The following COL19A1 variants were observed in gnomAD, a reference collection of about 807,000 sequenced individuals.
COL19A1 encodes collagen alpha-1(XIX) chain.
A neutral mutation model predicts 190.2 loss-of-function variants in COL19A1; 159 were observed. That is an observed-to-expected ratio of 0.84 (90% CI 0.73 to 0.95). The LOEUF (loss-of-function observed/expected upper bound fraction) is 0.95. Among genes scored for constraint, COL19A1 ranks in the 40% least tolerant of loss-of-function variants. The probability of loss-of-function intolerance (pLI) is 0.00; values close to 1 mark genes in which losing one functional copy is unlikely to be tolerated. For missense variants in COL19A1, 1,418 were observed against 1,431.9 expected, an observed-to-expected ratio of 0.99 and a Z score of 0.16; for synonymous variants, 509 against 458.9, an observed-to-expected ratio of 1.11 and a Z score of -1.39.
chr6:70,077,146 A>G (rs1781931587), intron 15 of COL19A1, among the ~76,000 whole-genome samples: 1 of 152,232 alleles, frequency 6.6e-6, no homozygotes. Flanking sequence ...CAACTTTGTA[A>G]AACTCTATAG....
At chr6:70,090,162 G>T (rs149350119) in intron 15 of COL19A1, among the ~76,000 whole-genome samples, 2 of 147,878 alleles carry the variant, frequency 1.4e-5, no homozygotes, top group Non-Finnish European at 3.0e-5. Flanking sequence ...GGGTGACAGA[G>T]CAAGACTCTT....
chr6:69,941,026 C>T (rs762595788), intron 9 of COL19A1, among the ~76,000 whole-genome samples: 2 of 152,056 alleles, frequency 1.3e-5, no homozygotes, highest in Non-Finnish European at 2.9e-5. Context: ...ACTTGAAGAT[C>T]GAAAGTCATT....
intron 11 of COL19A1, among the ~76,000 whole-genome samples, chr6:70,006,210 G>A (rs574568218): frequency 4.5e-4 from 69 of 152,306 alleles, no homozygotes; most frequent in African/African-American, 1.5e-3. Context: ...AGCTCAGCAG[G>A]CTTAAGCAGA....
chr6:69,907,638 A>G (rs1043802845), intron 4 of COL19A1, among the ~76,000 whole-genome samples: 2 of 152,188 alleles, frequency 1.3e-5, no homozygotes, highest in Non-Finnish European at 2.9e-5. Flanking sequence ...AGGAATTATC[A>G]TGTTAAGATT....
chr6:69,924,586 A>G (rs1169461741), intron 4 of COL19A1, among the ~76,000 whole-genome samples: 3 of 152,236 alleles, frequency 2.0e-5, no homozygotes, highest in Non-Finnish European at 2.9e-5. Context: ...ACTTTATAGC[A>G]GAATGATTTA....
At chr6:69,992,400 T>C (rs1776675486) in intron 11 of COL19A1, among the ~76,000 whole-genome samples, 1 of 152,040 alleles carries the variant, frequency 6.6e-6, no homozygotes, top group South Asian at 2.1e-4. Context: ...TTTTAGAATG[T>C]TTTTCTCTAA....
At chr6:70,030,774 G>A (rs1391615848) in intron 12 of COL19A1, among the ~76,000 whole-genome samples, 9 of 152,122 alleles carry the variant, frequency 5.9e-5, no homozygotes, top group Non-Finnish European at 1.3e-4. Context: ...AACTCAGCCT[G>A]GAGACTTTCC....
rs545145631 is a variant in COL19A1, at chr6:70,210,153, A to G, written c.*2879A>G. ...TTTAAATACAAAATAATTATGGGCC[A>G]TGACGACGATTAATATTAAAACTGT... On this transcript the variant is annotated 3_prime_UTR_variant, in exon 51 of 51. Transcript: ENST00000620364. Among the ~76,000 whole-genome samples, 1 of 152,212 alleles carries G rather than the reference A, an allele frequency of 6.6e-6. No homozygotes were observed. Among genetic ancestry groups the G allele is most frequent in the Admixed American group, 6.5e-5 (1 of 15,284 alleles).
chr6:69,947,462 C>T (rs1243478673), intron 9 of COL19A1, among the ~76,000 whole-genome samples: 2 of 151,808 alleles, frequency 1.3e-5, no homozygotes, highest in East Asian at 3.9e-4. Context: ...TATTAAACTG[C>T]AATCACCTTG....
chr6:70,092,457 TA>T (rs1782991045), intron 15 of COL19A1, among the ~76,000 whole-genome samples: 1 of 152,160 alleles, frequency 6.6e-6, no homozygotes, highest in Non-Finnish European at 1.5e-5. Context: ...ACACAGCAGG[TA>T]AAACAGACAG....
At chr6:70,059,910 CAAATT>C in intron 14 of COL19A1, 1 of 328,332 alleles carries the variant, frequency 3.0e-6, no homozygotes, top group East Asian at 8.8e-5. Flanking sequence ...TTTTCATCAG[CAAATT>C]AAATTGAAGA....
intron 11 of COL19A1, among the ~76,000 whole-genome samples, chr6:70,017,990 C>A (rs1778212909): frequency 6.6e-6 from 1 of 152,190 alleles, no homozygotes; most frequent in South Asian, 2.1e-4. Flanking sequence ...GAAGGATTTC[C>A]TTCCAGGTGA....
intron 48 of COL19A1, among the ~76,000 whole-genome samples, chr6:70,192,873 G>C (rs1766971072): frequency 6.6e-6 from 1 of 152,178 alleles, no homozygotes; most frequent in African/African-American, 2.4e-5. Flanking sequence ...CATGAAAAGA[G>C]AAATGCCAGC....
intron 15 of COL19A1, among the ~76,000 whole-genome samples, chr6:70,092,708 G>T (rs1222074329): frequency 2.0e-5 from 3 of 152,062 alleles, no homozygotes; most frequent in East Asian, 1.9e-4. Context: ...GTAGTTCTGT[G>T]AACTTATTTT....
chr6:70,065,819 A>T (rs939054878), intron 14 of COL19A1, among the ~76,000 whole-genome samples: 58 of 152,242 alleles, frequency 3.8e-4, no homozygotes, highest in Non-Finnish European at 7.8e-4. Context: ...GACACTTCTC[A>T]AAAGAAGATA....
chr6:69,937,977 C>T (rs1370319486), intron 8 of COL19A1, 61 bp from the exon 9 acceptor site: 1 of 1,510,714 alleles, frequency 6.6e-7, no homozygotes, highest in Non-Finnish European at 9.2e-7. Flanking sequence ...ATTTATAAAC[C>T]ATTTGGCTTT....
intron 12 of COL19A1, among the ~76,000 whole-genome samples, chr6:70,032,924 A>G (rs1779150580): frequency 6.6e-6 from 1 of 152,212 alleles, no homozygotes; most frequent in Admixed American, 6.5e-5. Context: ...GGAAACATGT[A>G]TAAATAGAGT....
Position 70,207,251 on chromosome 6 carries a change from C to T in COL19A1, c.3406C>T (p.His1136Tyr). ...EDCLYPVSHAHQRTGGN is the reference protein window; with the variant it reads ...EDCLYPVSHAYQRTGGN ...TTGCCTCTATCCTGTGTCTCATGCC[C>T]ATCAGCGCACAGGTGGGAATTGAAC... The change falls in exon 51 of 51, where the codon CAT becomes TAT. Residue 1136 changes from histidine (H) to tyrosine (Y), a missense_variant. Physicochemically the swap from His to Tyr is moderately conservative, Grantham distance 83 (BLOSUM62 2). Transcript: ENST00000620364. 6.2e-7 allele frequency: 1 copy of T among 1,613,862 alleles called. No individual in the cohort carries two copies. The highest frequency in any genetic ancestry group is 1.3e-5 in the African/African-American group (1 of 74,986).
chr6:70,051,363 G>C (rs1780191213), intron 14 of COL19A1, among the ~76,000 whole-genome samples: 1 of 152,098 alleles, frequency 6.6e-6, no homozygotes, highest in Non-Finnish European at 1.5e-5. Context: ...CCTGGCAGAA[G>C]ACATGAAACT....
Sources: gnomAD v4.1 joint callset for allele counts (sites outside exome capture counted in the v4.1 genomes callset) on GRCh38, gnomAD v4.1.1 for gene constraint, MANE v1.5 for transcripts, NCBI Gene and HGNC (gene_info 2026-07-23, HGNC 2026-07-21) for gene names.